Variants in PNPLA6 observed in about 807,000 individuals in gnomAD.
PNPLA6 encodes patatin like domain 6, lysophospholipase, also known as patatin-like phospholipase domain-containing protein 6.
In PNPLA6, 105 loss-of-function variants were observed where a neutral mutation model predicts 153.7. The ratio of observed to expected loss-of-function variants is 0.68; its 90% confidence interval spans 0.58 to 0.80. PNPLA6 has a LOEUF of 0.80. PNPLA6 is among the 30% of genes least tolerant of loss of function. The pLI, the probability that PNPLA6 is intolerant of heterozygous loss-of-function variation, is 0.00. For missense variants in PNPLA6, 1,423 were observed against 1,919.3 expected (o/e 0.74, Z 4.83); for synonymous variants, 825 against 822.2 (o/e 1.00, Z -0.06).
In PNPLA6 at chr19:7,541,936, C is replaced by A; in HGVS notation, c.1169-48C>A. 6.7e-7 allele frequency: 1 copy of A among 1,491,794 alleles called. No homozygotes were observed. Among genetic ancestry groups the A allele is most frequent in the Non-Finnish European group, 9.3e-7 (1 of 1,076,066 alleles). The allele number at this position is 1,491,794 out of a possible 1,614,324, so 92.4% of individuals were successfully genotyped here. ...CTCCTTATCTCCCAACCTGCTAATC[C>A]TCCTAGTGGCTCTGAGGGGCAGGAG... On this transcript the variant is annotated intron_variant, in intron 9 of 31. Transcript: ENST00000600737. The surrounding 1 kb of genome is among the most constrained non-coding windows in gnomAD (Gnocchi z 5.2).
rs762047744 is a variant in PNPLA6, at chr19:7,559,099, C to T, written c.3647C>T (p.Pro1216Leu). ...AGCTCCTACTGCGAGTACCTGCGCC[C>T]GCCCATCGACTGCTTCAAGACCATG... is the stretch of plus-strand genomic sequence containing the variant. ...KSSSYCEYLRPPIDCFKTMDF... is the reference protein window; with the variant it reads ...KSSSYCEYLRLPIDCFKTMDF... The change falls in exon 28 of 32, where the codon CCG (proline) becomes CTG (leucine). Residue 1216 changes from proline (P) to leucine (L), a missense_variant. Pro to Leu is a moderately conservative substitution (Grantham distance 98). This residue lies in a region of PNPLA6 where 643 missense variants were observed against 835.2 expected (regional missense o/e 0.77). Transcript: ENST00000600737. 5.5e-5 allele frequency: 89 copies of T among 1,614,106 alleles called. 1 individual carries two copies. Among genetic ancestry groups the T allele is most frequent in the Middle Eastern group, 4.9e-4 (3 of 6,082 alleles).
At chr19:7,550,234 C>G in intron 14 of PNPLA6, 64 bp from the exon 15 acceptor site, 2 of 1,612,190 alleles carry the variant, frequency 1.2e-6, no homozygotes, top group South Asian at 2.2e-5. Context: ...CAGATCTGGC[C>G]TCCCAGCGCC....
At position 7,542,567 on chromosome 19, in the gene PNPLA6, A is replaced by C. The variant is rs2023200932; in HGVS notation, c.1259A>C (p.Gln420Pro). 6.2e-7 allele frequency: 1 copy of C among 1,613,200 alleles called. No individual in the cohort carries two copies. The highest frequency in any genetic ancestry group is 8.5e-7 in the Non-Finnish European group (1 of 1,179,606). The change falls in exon 11 of 32, where the codon CAG becomes CCG. Residue 420 changes from glutamine (Q) to proline (P), a missense_variant. By Grantham distance (76) the Gln-to-Pro change is moderately conservative. Coordinates refer to ENST00000600737, the MANE Select transcript of PNPLA6 (RefSeq NM_001166114.2). ...CCCCCCTGCCTGCCTGCAGGCTTGC[A>C]GGGTGGCCCCCGCTCCGACTTCGAC... ...VSMPGDISGL[Q>P]GGPRSDFDMA...
rs2024004876 is a variant in PNPLA6 at position 7,559,110 on chromosome 19, T to C, written c.3658T>C (p.Cys1220Arg). The change falls in exon 28 of 32, where the codon TGC becomes CGC. Residue 1220 changes from cysteine to arginine, a missense_variant. Coordinates refer to ENST00000600737, the MANE Select transcript of PNPLA6 (RefSeq NM_001166114.2). The stretch of plus-strand genomic sequence containing the variant: ...CGAGTACCTGCGCCCGCCCATCGAC[T>C]GCTTCAAGACCATGGACTTTGGGAA... ...YCEYLRPPIDCFKTMDFGKFD... is the reference protein window; with the variant it reads ...YCEYLRPPIDRFKTMDFGKFD... 6.2e-6 allele frequency: 10 copies of C among 1,614,228 alleles called. No individual in the cohort carries two copies. Among genetic ancestry groups the C allele is most frequent in the Non-Finnish European group, 7.6e-6 (9 of 1,180,040 alleles).
At chr19:7,545,365 G>A (rs919617670) in intron 13 of PNPLA6, among the ~76,000 whole-genome samples, 1 of 152,156 alleles carries the variant, frequency 6.6e-6, no homozygotes, top group Non-Finnish European at 1.5e-5. Flanking sequence ...TCCAGCATGT[G>A]TTTATATCTC....
At chr19:7,549,803 A>T in intron 13 of PNPLA6, 104 bp from the exon 14 acceptor site, 1 of 1,153,388 alleles carries the variant, frequency 8.7e-7, no homozygotes, top group Non-Finnish European at 1.3e-6. Flanking sequence ...TATTTTTCTT[A>T]ACCCTTCCTT....
At chr19:7,556,977 C>A in intron 26 of PNPLA6, 191 bp from the exon 27 acceptor site, 3 of 712,454 alleles carry the variant, frequency 4.2e-6, no homozygotes, top group East Asian at 5.3e-5. Flanking sequence ...CTGTGTGTGG[C>A]GTTACGTCCG....
Position 7,541,870 on chromosome 19 carries a change from C to A in PNPLA6, c.1169-114C>A. The A allele has an allele frequency of 1.8e-6, 2 of 1,121,474 alleles. No individual in the cohort carries two copies. The highest frequency in any genetic ancestry group is 2.7e-6 in the Non-Finnish European group (2 of 750,032). 69.5% of individuals were successfully genotyped at this position (1,121,474 alleles called of 1,614,324 possible). On this transcript the variant is annotated intron_variant, in intron 9 of 31. Transcript: ENST00000600737. This position sits in a 1 kb window ranked among gnomAD's most constrained non-coding sequence, Gnocchi z 5.2. ...GAAGCTGTGGCCTCGTCCCCAAGGGCCCATTGGAATTGCTTTAACTAGTTA... is the reference window on the plus strand; with the variant it reads ...GAAGCTGTGGCCTCGTCCCCAAGGGACCATTGGAATTGCTTTAACTAGTTA...
chr19:7,535,654 C>T (rs114286667), upstream of PNPLA6: 13 of 1,551,298 alleles, frequency 8.4e-6, no homozygotes, highest in Middle Eastern at 1.7e-4. This position sits in a 1 kb window ranked among gnomAD's most constrained non-coding sequence, Gnocchi z 5.0. Context: ...GTGCTCAGCG[C>T]GCATTACGTG....
chr19:7,539,094 CA>C (rs1368148061), intron 3 of PNPLA6, among the ~76,000 whole-genome samples: 2 of 152,218 alleles, frequency 1.3e-5, no homozygotes, highest in Non-Finnish European at 2.9e-5. Context: ...GTCCCCATTG[CA>C]ACTCTTCAAC....
intron 19 of PNPLA6, 42 bp downstream of exon 19, chr19:7,554,057 G>T: frequency 6.2e-7 from 1 of 1,605,792 alleles, no homozygotes. Flanking sequence ...GGCGGTGGGT[G>T]GGACATTAGT....
rs1684775631 is a variant in PNPLA6 at position 7,535,747 on chromosome 19, G to C, written c.-42G>C. 2 of 1,519,628 alleles carry C rather than the reference G, an allele frequency of 1.3e-6. No homozygotes were observed. The highest frequency in any genetic ancestry group is 2.0e-5 in the Admixed American group (1 of 50,518). The allele number at this position is 1,519,628 out of a possible 1,614,324, so 94.1% of individuals were successfully genotyped here. On this transcript the variant is annotated 5_prime_UTR_variant, in exon 1 of 32. Transcript: ENST00000600737. The surrounding 1 kb of genome is among the most constrained non-coding windows in gnomAD (Gnocchi z 5.0). Reference sequence around the variant, plus strand: ...GCGGGCCGCCGGGCCTCAGGGAAGAGTCGCGCCCCCGGGGAGGGAGCAGCA... The same window carrying C: ...GCGGGCCGCCGGGCCTCAGGGAAGACTCGCGCCCCCGGGGAGGGAGCAGCA...
chr19:7,545,812 T>C (rs192208160), intron 13 of PNPLA6, among the ~76,000 whole-genome samples: 1 of 149,228 alleles, frequency 6.7e-6, no homozygotes, highest in Non-Finnish European at 1.5e-5. Context: ...CTCGGGAGCC[T>C]GAGGCAGGAG....
At position 7,554,263 on chromosome 19, in the gene PNPLA6, C is replaced by T; in HGVS notation, c.2456C>T (p.Ala819Val). The T allele has an allele frequency of 6.2e-7, 1 of 1,613,560 alleles. No individual in the cohort carries two copies. Among genetic ancestry groups the T allele is most frequent in the South Asian group, 1.1e-5 (1 of 91,084 alleles). The change falls in exon 20 of 32, where the codon GCA (alanine) becomes GTA (valine). Residue 819 changes from alanine (A) to valine (V), a missense_variant. Around this residue, in one of 10 missense-constraint regions of PNPLA6, gnomAD observed 643 missense variants for 835.2 expected, o/e 0.77. Transcript: ENST00000600737. The stretch of plus-strand genomic sequence containing the variant: ...ATCCGGGCACGCCTGGGGGCCTCCG[C>T]ACTGGATAGGTGTGTGTTGCAGAAG... ...DIIRARLGAS[A>V]LDSIQEFRLS...
chr19:7,550,767 C>G (rs940062492), intron 16 of PNPLA6, 127 bp downstream of exon 16: 8 of 1,240,282 alleles, frequency 6.5e-6, no homozygotes, highest in Non-Finnish European at 9.0e-6. Flanking sequence ...GTCACCCAGT[C>G]CACTCCCCGC....
chr19:7,536,562 G>A lies in PNPLA6; in HGVS notation c.413+16G>A, dbSNP rs1234697194. On this transcript the variant is annotated intron_variant, in intron 3 of 31. Coordinates refer to ENST00000600737, the MANE Select transcript of PNPLA6 (RefSeq NM_001166114.2). ...TTGCCAAGAAGTAAGGCTGTGCTGGGTGTGACCTGGTATTAGGGGTTATCT... is the reference window on the plus strand; with the variant it reads ...TTGCCAAGAAGTAAGGCTGTGCTGGATGTGACCTGGTATTAGGGGTTATCT... 1 of 1,531,486 alleles carries A rather than the reference G, an allele frequency of 6.5e-7. No individual in the cohort carries two copies. Among genetic ancestry groups the A allele is most frequent in the Non-Finnish European group, 9.1e-7 (1 of 1,104,818 alleles). The allele number at this position is 1,531,486 out of a possible 1,614,324, so 94.9% of individuals were successfully genotyped here. A position where few individuals can be genotyped will look rare whatever the true frequency, so the allele number is the denominator to read the frequency against.
At chr19:7,549,639 C>T (rs1418870671) in intron 13 of PNPLA6, 7 of 507,744 alleles carry the variant, frequency 1.4e-5, no homozygotes, top group African/African-American at 1.9e-5. Context: ...CAGACATGTG[C>T]CACGACGCCC....
chr19:7,546,491 A>G (rs1190936687), intron 13 of PNPLA6, among the ~76,000 whole-genome samples: 1 of 152,162 alleles, frequency 6.6e-6, no homozygotes, highest in Non-Finnish European at 1.5e-5. Context: ...AAAATTAGCC[A>G]GGCATGGTGG....
intron 13 of PNPLA6, among the ~76,000 whole-genome samples, chr19:7,547,660 C>T (rs574340127): frequency 3.9e-5 from 6 of 151,912 alleles, no homozygotes; most frequent in South Asian, 2.1e-4. Context: ...ATTTTAGAGA[C>T]GGGGTCTTGC....
Sources: allele counts gnomAD v4.1 joint callset (sites outside exome capture counted in the v4.1 genomes callset), GRCh38; gene constraint gnomAD v4.1.1; regional missense constraint gnomAD v4.1.1; non-coding constraint Gnocchi (gnomAD v3.1); transcripts MANE v1.5; gene names NCBI Gene and HGNC (gene_info 2026-07-23, HGNC 2026-07-21).